ATOH8: variants seen among roughly 807,000 people sequenced by gnomAD.
ATOH8 encodes the protein transcription factor ATOH8.
Under a neutral mutation model 21.2 loss-of-function variants are expected in ATOH8, and 9 were observed. The ratio of observed to expected loss-of-function variants is 0.42; its 90% confidence interval spans 0.26 to 0.74. ATOH8 has a LOEUF of 0.74. Among genes scored for constraint, ATOH8 ranks in the 30% least tolerant of loss-of-function variants. The pLI is 0.24. For missense variants in ATOH8, 524 were observed against 470.9 expected, an observed-to-expected ratio of 1.11 and a Z score of -1.04; for synonymous variants, 253 against 224.0, an observed-to-expected ratio of 1.13 and a Z score of -1.16.
At chr2:85,764,979 C>T (rs186715693) in intron 2 of ATOH8, among the ~76,000 whole-genome samples, 3 of 152,330 alleles carry the variant, frequency 2.0e-5, no homozygotes, top group Admixed American at 2.0e-4. Flanking sequence ...ACAGCTTGTA[C>T]GAAGCCTGAT....
rs1403032140 is a variant in ATOH8, at chr2:85,785,583, AGCAGGCCCTCCACGTCGTGGTTT to A, written c.961-1300_961-1278del. Among the ~76,000 whole-genome samples the A allele has an allele frequency of 2.0e-5, 3 of 152,112 alleles. No homozygotes were observed. Among genetic ancestry groups the A allele is most frequent in the Non-Finnish European group, 4.4e-5 (3 of 68,000 alleles). ...ACGGGGCTCACCAGGGCCTGTGGTT[AGCAGGCCCTCCACGTCGTGGTTT>A]GGCTCCATCCTGGCTCCCCAAGCCT... On this transcript the variant is annotated intron_variant, in intron 2 of 2. Transcript: ENST00000306279. The surrounding 1 kb of genome is among the most constrained non-coding windows in gnomAD (Gnocchi z 4.1).
At chr2:85,775,745 C>T (rs1205047827) in intron 2 of ATOH8, among the ~76,000 whole-genome samples, 1 of 152,194 alleles carries the variant, frequency 6.6e-6, no homozygotes, top group Non-Finnish European at 1.5e-5. Flanking sequence ...AAGATGCTCC[C>T]CTCGAACCCG....
Position 85,785,103 on chromosome 2 carries a change from G to A in ATOH8, c.961-1782G>A, listed in dbSNP as rs1211933275. On this transcript the variant is annotated intron_variant, in intron 2 of 2. Transcript: ENST00000306279. The surrounding 1 kb of genome is among the most constrained non-coding windows in gnomAD (Gnocchi z 4.1). ...GGGCTGGCCCCAGGCTGCCCTGACCGCCTTTACAGCATGCCCAGGAGGACG... is the reference window on the plus strand; with the variant it reads ...GGGCTGGCCCCAGGCTGCCCTGACCACCTTTACAGCATGCCCAGGAGGACG... 1.3e-5 allele frequency among the ~76,000 whole-genome samples: 2 copies of A among 152,216 alleles called. No homozygotes were observed. Among genetic ancestry groups the A allele is most frequent in the Non-Finnish European group, 1.5e-5 (1 of 68,038 alleles).
At chr2:85,786,014 GC>G (rs1195322089) in intron 2 of ATOH8, among the ~76,000 whole-genome samples, 2 of 152,072 alleles carry the variant, frequency 1.3e-5, no homozygotes, top group East Asian at 1.9e-4. Flanking sequence ...CCATGACCTT[GC>G]CCCCTGTCCC....
chr2:85,764,198 G>A lies in ATOH8; in HGVS notation c.960+16G>A. On this transcript the variant is annotated intron_variant, in intron 2 of 2. Transcript: ENST00000306279. ...GAAGCGCAAGGTATGCACCAGCTGG[G>A]TGGGCGGTAGCTTCTGGGGAGCATA... 1 of 1,613,072 alleles carries A rather than the reference G, an allele frequency of 6.2e-7. No individual in the cohort carries two copies. Among genetic ancestry groups the A allele is most frequent in the Non-Finnish European group, 8.5e-7 (1 of 1,179,344 alleles).
intron 2 of ATOH8, 98 bp from the exon 3 acceptor site, chr2:85,786,787 C>A: frequency 6.3e-7 from 1 of 1,585,456 alleles, no homozygotes; most frequent in East Asian, 2.2e-5. Flanking sequence ...GGGGGCCCCT[C>A]TGCCTGGAGG....
At chr2:85,759,224 G>T (rs1342675755) in intron 1 of ATOH8, among the ~76,000 whole-genome samples, 1 of 152,214 alleles carries the variant, frequency 6.6e-6, no homozygotes, top group East Asian at 1.9e-4. Context: ...GGTGCAAGGA[G>T]GGCATAGGGA....
At chr2:85,765,144 C>T (rs1252995354) in intron 2 of ATOH8, among the ~76,000 whole-genome samples, 1 of 152,202 alleles carries the variant, frequency 6.6e-6, no homozygotes, top group African/African-American at 2.4e-5. Context: ...TCAGGGAGAG[C>T]AACAGAGAGT....
At chr2:85,786,742 A>G in intron 2 of ATOH8, 143 bp from the exon 3 acceptor site, 1 of 1,068,982 alleles carries the variant, frequency 9.4e-7, no homozygotes, top group Non-Finnish European at 1.4e-6. Context: ...CGGGGTTTGA[A>G]TCCTGGCTCT....
intron 2 of ATOH8, among the ~76,000 whole-genome samples, chr2:85,776,051 C>T (rs1247070188): frequency 6.6e-6 from 1 of 152,222 alleles, no homozygotes. Flanking sequence ...ACTGCACTTT[C>T]CGGTTTGCAG....
At chr2:85,786,386 C>T (rs1465321826) in intron 2 of ATOH8, among the ~76,000 whole-genome samples, 2 of 152,244 alleles carry the variant, frequency 1.3e-5, no homozygotes, top group African/African-American at 4.8e-5. Flanking sequence ...CTAGAGAAGT[C>T]AAATGACTTG....
chr2:85,765,148 A>G (rs1219631159), intron 2 of ATOH8, among the ~76,000 whole-genome samples: 1 of 152,206 alleles, frequency 6.6e-6, no homozygotes, highest in Non-Finnish European at 1.5e-5. Context: ...GGAGAGCAAC[A>G]GAGAGTGGGA....
intron 2 of ATOH8, chr2:85,775,264 C>T: frequency 1.0e-6 from 1 of 985,348 alleles, no homozygotes; most frequent in Non-Finnish European, 1.2e-6. Context: ...TACTAGGGCC[C>T]CCAAATAATG....
At chr2:85,777,515 G>T (rs1482593648) in intron 2 of ATOH8, among the ~76,000 whole-genome samples, 1 of 152,202 alleles carries the variant, frequency 6.6e-6, no homozygotes, top group Non-Finnish European at 1.5e-5. Flanking sequence ...AAGCCTCAGG[G>T]ACCTTGGAAT....
chr2:85,771,989 C>T (rs1680195541), intron 2 of ATOH8, among the ~76,000 whole-genome samples: 1 of 152,254 alleles, frequency 6.6e-6, no homozygotes, highest in African/African-American at 2.4e-5. Context: ...GTCCTGAGGC[C>T]AGCCCGCTGC....
At chr2:85,767,579 C>CCCA (rs1680052039) in intron 2 of ATOH8, among the ~76,000 whole-genome samples, 1 of 126,278 alleles carries the variant, frequency 7.9e-6, no homozygotes, top group Non-Finnish European at 1.7e-5. Flanking sequence ...CCCCTCCCCT[C>CCCA]TCCTTCCCTT....
At chr2:85,783,236 C>T (rs1368606430) in intron 2 of ATOH8, among the ~76,000 whole-genome samples, 1 of 152,172 alleles carries the variant, frequency 6.6e-6, no homozygotes, top group African/African-American at 2.4e-5. Flanking sequence ...CTCATCTAGT[C>T]ATTCTCAAGG....
chr2:85,781,884 A>G (rs959842520), intron 2 of ATOH8, among the ~76,000 whole-genome samples: 50 of 57,060 alleles, frequency 8.8e-4, no homozygotes, highest in Admixed American at 4.2e-3. Flanking sequence ...TCTAAAAAAA[A>G]TAAAAAATAA....
At chr2:85,777,481 T>G (rs1321271424) in intron 2 of ATOH8, among the ~76,000 whole-genome samples, 5 of 152,052 alleles carry the variant, frequency 3.3e-5, no homozygotes, top group African/African-American at 1.2e-4. Flanking sequence ...GGGGGCCCCC[T>G]TAGTGTCAGG....
Sources: allele counts gnomAD v4.1 joint callset (sites outside exome capture counted in the v4.1 genomes callset), GRCh38; gene constraint gnomAD v4.1.1; non-coding constraint Gnocchi (gnomAD v3.1); transcripts MANE v1.5; gene names NCBI Gene and HGNC (gene_info 2026-07-23, HGNC 2026-07-21).